Variants in RPS6KB1 observed in about 807,000 individuals in gnomAD.
The protein encoded by RPS6KB1 is ribosomal protein S6 kinase B1, also known as ribosomal protein S6 kinase beta-1.
A neutral mutation model predicts 70.2 loss-of-function variants in RPS6KB1; 12 were observed. The observed-to-expected ratio is 0.17, with a 90% CI of 0.11 to 0.28. RPS6KB1 has a LOEUF of 0.28. Among genes scored for constraint, RPS6KB1 ranks in the 10% least tolerant of loss-of-function variants. The pLI, the probability that RPS6KB1 is intolerant of heterozygous loss-of-function variation, is 1.00. For synonymous variants in RPS6KB1, 175 were observed against 211.2 expected (o/e 0.83, Z 1.49); for missense variants, 270 against 646.6 (o/e 0.42, Z 6.32).
chr17:59,936,228 AT>A lies in RPS6KB1; in HGVS notation c.993del (p.Asn331LysfsTer49), dbSNP rs1234676706. On this transcript the variant is annotated frameshift_variant, in exon 11 of 15. Coordinates refer to ENST00000225577, the MANE Select transcript of RPS6KB1 (RefSeq NM_003161.4). LOFTEE classifies it high-confidence loss of function. ...RDLLKKLLKR[N>X]AASRLGAGPG... The stretch of plus-strand genomic sequence containing the variant: ...TCCTCTTTAAAGCTGCTGAAAAGAA[AT>A]GCTGCTTCTCGTCTGGGAGCTGGTC... 6.3e-7 allele frequency: 1 copy of A among 1,596,156 alleles called. No homozygotes were observed. The highest frequency in any genetic ancestry group is 8.5e-7 in the Non-Finnish European group (1 of 1,175,846).
chr17:59,907,856 T>C (rs2042362264), intron 1 of RPS6KB1, among the ~76,000 whole-genome samples: 1 of 152,184 alleles, frequency 6.6e-6, no homozygotes, highest in South Asian at 2.1e-4. Context: ...TTAGTGATGG[T>C]ATTATAAATG....
chr17:59,896,296 C>T (rs948849554), intron 1 of RPS6KB1, among the ~76,000 whole-genome samples: 6 of 151,820 alleles, frequency 4.0e-5, no homozygotes, highest in Admixed American at 1.3e-4. Context: ...CGGGTTCAAG[C>T]GATTCTCCTG....
chr17:59,944,696 A>G (rs949494044), intron 13 of RPS6KB1, among the ~76,000 whole-genome samples: 2 of 152,176 alleles, frequency 1.3e-5, no homozygotes, highest in East Asian at 1.9e-4. Flanking sequence ...TGGTCTGATT[A>G]TAAGAAACTG....
At chr17:59,909,267 T>TGC in intron 1 of RPS6KB1, among the ~76,000 whole-genome samples, 1 of 54,024 alleles carries the variant, frequency 1.9e-5, no homozygotes, top group Non-Finnish European at 3.3e-5. Context: ...TTTTTTTTTT[T>TGC]TTTTTTTTTT....
chr17:59,910,656 A>C, intron 2 of RPS6KB1, 45 bp downstream of exon 2: 1 of 1,282,482 alleles, frequency 7.8e-7, no homozygotes, highest in South Asian at 1.3e-5. Context: ...CTTTCTTACA[A>C]GTAGGTTTTA....
At chr17:59,935,458 T>C (rs2044172750) in intron 10 of RPS6KB1, among the ~76,000 whole-genome samples, 158 bp downstream of exon 10, 1 of 152,154 alleles carries the variant, frequency 6.6e-6, no homozygotes, top group African/African-American at 2.4e-5. Context: ...TTAAAGACTT[T>C]CTTTTCATAT....
chr17:59,926,563 C>T lies in RPS6KB1; in HGVS notation c.510C>T (p.Leu170=). The T allele has an allele frequency of 1.2e-6, 2 of 1,611,872 alleles. No homozygotes were observed. The highest frequency in any genetic ancestry group is 1.7e-6 in the Non-Finnish European group (2 of 1,178,314). The part of the protein sequence containing the change: ...YAFQTGGKLY[L]ILEYLSGGEL... ...TTCAGACTGGTGGAAAACTCTACCT[C>T]ATCCTTGAGTATCTCAGTGGTCAGT... The change falls in exon 5 of 15, where the codon CTC becomes CTT. Residue 170 remains leucine (L), a synonymous_variant. Coordinates refer to ENST00000225577, the MANE Select transcript of RPS6KB1 (RefSeq NM_003161.4).
At chr17:59,917,333 G>T (rs1185360903) in intron 4 of RPS6KB1, among the ~76,000 whole-genome samples, 1 of 152,014 alleles carries the variant, frequency 6.6e-6, no homozygotes, top group African/African-American at 2.4e-5. Flanking sequence ...CCAGGCTGGT[G>T]TTGAACTCCT....
At chr17:59,928,781 G>A (rs1277868986) in intron 5 of RPS6KB1, among the ~76,000 whole-genome samples, 2 of 152,140 alleles carry the variant, frequency 1.3e-5, no homozygotes, top group Non-Finnish European at 2.9e-5. Flanking sequence ...CATTTCCTCA[G>A]TCTTTCTTTG....
intron 4 of RPS6KB1, among the ~76,000 whole-genome samples, chr17:59,923,776 G>A (rs2043421038): frequency 6.6e-6 from 1 of 152,024 alleles, no homozygotes; most frequent in Non-Finnish European, 1.5e-5. Flanking sequence ...CCAAAGTGCT[G>A]GAATTACAGG....
intron 1 of RPS6KB1, among the ~76,000 whole-genome samples, chr17:59,910,109 CCTG>C (rs1296048509): frequency 6.6e-6 from 1 of 151,702 alleles, no homozygotes; most frequent in African/African-American, 2.4e-5. Flanking sequence ...AACACTGGAA[CCTG>C]GGAGGCGGAG....
At chr17:59,903,206 T>C (rs771057047) in intron 1 of RPS6KB1, among the ~76,000 whole-genome samples, 46 of 151,490 alleles carry the variant, frequency 3.0e-4, no homozygotes, top group Non-Finnish European at 5.4e-4. Context: ...CTCAGGAGGC[T>C]GAGGCAAAGA....
chr17:59,928,070 A>G (rs2043720244), intron 5 of RPS6KB1, among the ~76,000 whole-genome samples: 1 of 151,812 alleles, frequency 6.6e-6, no homozygotes, highest in Non-Finnish European at 1.5e-5. Flanking sequence ...AGGCAGGAGA[A>G]TCGCTTGAAC....
At chr17:59,915,058 G>A (rs188864883) in intron 4 of RPS6KB1, among the ~76,000 whole-genome samples, 22 of 150,990 alleles carry the variant, frequency 1.5e-4, no homozygotes, top group Admixed American at 4.6e-4. Context: ...GTGCGATGTC[G>A]GCTCACTGCA....
intron 2 of RPS6KB1, 58 bp downstream of exon 2, chr17:59,910,669 A>T: frequency 9.1e-7 from 1 of 1,103,728 alleles, no homozygotes; most frequent in Non-Finnish European, 1.4e-6. Flanking sequence ...AGGTTTTATC[A>T]GTTCTATTTC....
chr17:59,941,961 C>G (rs2044628002), intron 13 of RPS6KB1, among the ~76,000 whole-genome samples: 1 of 150,940 alleles, frequency 6.6e-6, no homozygotes, highest in Non-Finnish European at 1.5e-5. Flanking sequence ...CGGGTTCACA[C>G]CATCCTCCTG....
At chr17:59,902,959 TC>T (rs2144706368) in intron 1 of RPS6KB1, among the ~76,000 whole-genome samples, 1 of 152,064 alleles carries the variant, frequency 6.6e-6, no homozygotes, top group South Asian at 2.1e-4. Context: ...GGCAGGTGGA[TC>T]GCTGGAGTCC....
At position 59,934,467 on chromosome 17, in the gene RPS6KB1, T is replaced by C. The variant is rs763301807; in HGVS notation, c.813T>C (p.Asn271=). Residue 271 remains asparagine (N), a synonymous_variant, in exon 9 of 15, where the codon AAT becomes AAC. Transcript: ENST00000225577. The surrounding 1 kb of genome is among the most constrained non-coding windows in gnomAD (Gnocchi z 4.8). ...APEILMRSGH[N]RAVDWWSLGA... ...AAATCTTGATGAGAAGTGGCCACAA[T>C]CGTGCTGTGGATTGGTGGAGTTTGG... is the stretch of plus-strand genomic sequence containing the variant. The C allele has an allele frequency of 6.8e-6, 11 of 1,613,872 alleles. No individual in the cohort carries two copies. The highest frequency in any genetic ancestry group is 9.3e-6 in the Non-Finnish European group (11 of 1,179,806).
chr17:59,894,235 GC>G (rs1418262789), intron 1 of RPS6KB1, among the ~76,000 whole-genome samples: 2 of 152,164 alleles, frequency 1.3e-5, no homozygotes, highest in African/African-American at 4.8e-5. Context: ...CACCCTGCTG[GC>G]TTAGTGGTTT....
Sources: allele counts gnomAD v4.1 joint callset (sites outside exome capture counted in the v4.1 genomes callset), GRCh38; gene constraint gnomAD v4.1.1; non-coding constraint Gnocchi (gnomAD v3.1); transcripts MANE v1.5; gene names NCBI Gene and HGNC (gene_info 2026-07-23, HGNC 2026-07-21).